The following SCN11A variants were observed in gnomAD, a reference collection of about 807,000 sequenced individuals.
The protein encoded by SCN11A is sodium voltage-gated channel alpha subunit 11.
SCN11A carries 122 observed loss-of-function variants against 162.2 expected under a neutral mutation model. The ratio of observed to expected loss-of-function variants is 0.75; its 90% CI spans 0.65 to 0.87. The LOEUF is 0.87. Ranked by LOEUF, SCN11A falls within the 40% of genes least tolerant of loss-of-function variation. The pLI, the probability that SCN11A is intolerant of heterozygous loss-of-function variation, is 0.00. For missense variants in SCN11A, 2,015 were observed against 2,181.6 expected (o/e 0.92, Z 1.52); for synonymous variants, 758 against 751.5 (o/e 1.01, Z -0.14).
chr3:39,021,575 G>A (rs1336740831), intron 2 of SCN11A, among the ~76,000 whole-genome samples: 1 of 152,156 alleles, frequency 6.6e-6, no homozygotes, highest in East Asian at 1.9e-4. Flanking sequence ...CTGCTAAGAA[G>A]ATGTTGTGGG....
At chr3:38,906,138 C>T (rs992160948) in intron 14 of SCN11A, among the ~76,000 whole-genome samples, 1 of 152,132 alleles carries the variant, frequency 6.6e-6, no homozygotes, top group African/African-American at 2.4e-5. Context: ...CTGCAAAGGC[C>T]TCTCAATTCC....
intron 7 of SCN11A, among the ~76,000 whole-genome samples, chr3:38,938,118 A>G (rs557803875): frequency 1.3e-4 from 20 of 152,238 alleles, no homozygotes; most frequent in African/African-American, 4.1e-4. Flanking sequence ...TTTTCAGTAA[A>G]CTATCGCAAG....
rs191450546 is a variant in SCN11A at position 39,013,503 on chromosome 3, C to T, written c.-280+18877G>A. ...CTGAACCCAGCCAGAAGTCAGCTGA[C>T]GTAAGATCTTGGAAAATGCAGCCCA... On this transcript the variant is annotated intron_variant, in intron 2 of 29. Coordinates refer to ENST00000302328, the MANE Select transcript of SCN11A (RefSeq NM_001349253.2). 1.3e-4 allele frequency among the ~76,000 whole-genome samples: 20 copies of T among 151,536 alleles called. No individual in the cohort carries two copies. The East Asian group carries it at 2.5e-3, about 19-fold the overall frequency.
chr3:38,909,583 CTT>C (rs57060960), intron 12 of SCN11A, among the ~76,000 whole-genome samples: 27 of 133,442 alleles, frequency 2.0e-4, no homozygotes, highest in South Asian at 2.4e-4. Flanking sequence ...CTTGAAGTTT[CTT>C]TTTTTTTTTT....
intron 1 of SCN11A, among the ~76,000 whole-genome samples, chr3:39,043,460 T>C (rs1193784018): frequency 7.7e-6 from 1 of 129,974 alleles, no homozygotes; most frequent in African/African-American, 3.1e-5. Context: ...GTGATACTTA[T>C]ACACAATGAA....
Position 39,021,941 on chromosome 3 carries a change from C to A in SCN11A, c.-280+10439G>T, listed in dbSNP as rs564902288. ...GGGGGTTCAGACACACCTTGTTATACCCCCTCCCTGACTAACCATGATTAG... is the reference window on the plus strand; with the variant it reads ...GGGGGTTCAGACACACCTTGTTATAACCCCTCCCTGACTAACCATGATTAG... On this transcript the variant is annotated intron_variant, in intron 2 of 29. Transcript: ENST00000302328. 3.3e-5 allele frequency among the ~76,000 whole-genome samples: 5 copies of A among 152,214 alleles called. No individual in the cohort carries two copies. In the South Asian group the frequency reaches 6.2e-4, roughly 19 times the overall value.
intron 11 of SCN11A, among the ~76,000 whole-genome samples, chr3:38,910,753 C>G (rs1181778045): frequency 6.6e-6 from 1 of 152,028 alleles, no homozygotes; most frequent in Admixed American, 6.6e-5. Flanking sequence ...TATTTAACTG[C>G]TCTGCTAATG....
intron 4 of SCN11A, among the ~76,000 whole-genome samples, chr3:38,951,405 C>A (rs2066613653): frequency 6.6e-6 from 1 of 152,260 alleles, no homozygotes; most frequent in Non-Finnish European, 1.5e-5. Context: ...GGGCTTGGGA[C>A]CTGCAGCCCG....
intron 2 of SCN11A, among the ~76,000 whole-genome samples, chr3:38,984,790 C>T (rs897234631): frequency 4.6e-5 from 7 of 152,130 alleles, no homozygotes; most frequent in Non-Finnish European, 8.8e-5. Flanking sequence ...GGATTACAGG[C>T]GTGAGCCACT....
chr3:38,904,340 A>T (rs2065756662), intron 15 of SCN11A, among the ~76,000 whole-genome samples: 1 of 152,158 alleles, frequency 6.6e-6, no homozygotes, highest in Non-Finnish European at 1.5e-5. Flanking sequence ...TTACACTCTT[A>T]CTGAGCATCC....
chr3:38,985,109 T>C (rs1235017935), intron 2 of SCN11A, among the ~76,000 whole-genome samples: 3 of 148,630 alleles, frequency 2.0e-5, no homozygotes, highest in Non-Finnish European at 4.4e-5. Flanking sequence ...TTTAAAAAAA[T>C]GTCTTTCTGG....
chr3:38,973,220 TTC>T (rs1423314051), intron 2 of SCN11A, among the ~76,000 whole-genome samples: 1 of 152,246 alleles, frequency 6.6e-6, no homozygotes. Context: ...TTAGAAACTA[TTC>T]TCAACCTTCA....
chr3:39,038,433 A>G (rs2031962389), intron 1 of SCN11A, among the ~76,000 whole-genome samples: 1 of 152,256 alleles, frequency 6.6e-6, no homozygotes, highest in Admixed American at 6.5e-5. Flanking sequence ...CTCAGATGAT[A>G]AACAGCAGAA....
chr3:38,995,799 G>GTCTATCTA lies in SCN11A; in HGVS notation c.-279-35384_-279-35377dup, dbSNP rs745582413. ...GTGAGCCAATTTCTCACAATAAATT[G>GTCTATCTA]TCTATCTATCTATCTATCTGTCTAT... is the stretch of plus-strand genomic sequence containing the variant. On this transcript the variant is annotated intron_variant, in intron 2 of 29. Transcript: ENST00000302328. 3.3e-3 allele frequency among the ~76,000 whole-genome samples: 432 copies of GTCTATCTA among 131,476 alleles called. 5 individuals carry two copies. The highest frequency in any genetic ancestry group is 5.5e-3 in the African/African-American group (184 of 33,174). The allele number at this position is 131,476 out of a possible 152,430, so 86.3% of individuals were successfully genotyped here.
In SCN11A at chr3:38,893,213, CTCTAT is replaced by C. The variant is rs536937566; in HGVS notation, c.2835+1315_2835+1319del. Among the ~76,000 whole-genome samples, 6 of 152,136 alleles carry C rather than the reference CTCTAT, an allele frequency of 3.9e-5. No homozygotes were observed. The South Asian group carries it at 1.2e-3, about 32-fold the overall frequency. ...GCAACCATAAAAGAAGCTGGGATGA[CTCTAT>C]TAACATCAGACAAAATAGATTTAAA... On this transcript the variant is annotated intron_variant, in intron 19 of 29. Transcript: ENST00000302328.
At chr3:38,984,424 T>G (rs1385413459) in intron 2 of SCN11A, among the ~76,000 whole-genome samples, 6 of 152,150 alleles carry the variant, frequency 3.9e-5, no homozygotes, top group Admixed American at 3.9e-4. Flanking sequence ...GGCACCTTAG[T>G]GGTGAGGACA....
chr3:38,980,345 G>C (rs974591354), intron 2 of SCN11A, among the ~76,000 whole-genome samples: 22 of 152,160 alleles, frequency 1.4e-4, no homozygotes, highest in Admixed American at 4.6e-4. Flanking sequence ...GAAACAAGGG[G>C]AATCACCTCC....
chr3:38,999,461 C>T (rs2030743199), intron 2 of SCN11A, among the ~76,000 whole-genome samples: 2 of 152,182 alleles, frequency 1.3e-5, no homozygotes, highest in Non-Finnish European at 2.9e-5. Context: ...CCTCTCCTAA[C>T]CCTTTGAATT....
At chr3:38,947,148 G>T (rs886434609) in intron 5 of SCN11A, among the ~76,000 whole-genome samples, 3 of 152,162 alleles carry the variant, frequency 2.0e-5, no homozygotes, top group Non-Finnish European at 2.9e-5. Context: ...CCTTAATATT[G>T]TACTCCATGG....
Sources: gnomAD v4.1 joint callset for allele counts (sites outside exome capture counted in the v4.1 genomes callset) on GRCh38, gnomAD v4.1.1 for gene constraint, MANE v1.5 for transcripts, NCBI Gene and HGNC (gene_info 2026-07-23, HGNC 2026-07-21) for gene names.